CDYL2: variants seen among roughly 807,000 people sequenced by gnomAD.
CDYL2 encodes chromodomain Y-like protein 2.
In CDYL2, 23 loss-of-function variants were observed where a neutral mutation model predicts 49.4. That is an observed-to-expected ratio of 0.47 (90% CI 0.34 to 0.66). The LOEUF (loss-of-function observed/expected upper bound fraction) is 0.66. Among genes scored for constraint, CDYL2 ranks in the 30% least tolerant of loss-of-function variants. The probability of loss-of-function intolerance (pLI) is 0.01; values close to 1 mark genes in which losing one functional copy is unlikely to be tolerated. For synonymous variants in CDYL2, 360 were observed against 268.8 expected (o/e 1.34, Z -3.32); for missense variants, 678 against 656.4 (o/e 1.03, Z -0.36).
chr16:80,700,967 G>A (rs1475915356), intron 1 of CDYL2, among the ~76,000 whole-genome samples: 3 of 152,246 alleles, frequency 2.0e-5, no homozygotes, highest in African/African-American at 7.2e-5. Context: ...TTCAGCAGCA[G>A]CCTGGGTCTC....
At chr16:80,649,954 T>C (rs568213695) in intron 2 of CDYL2, among the ~76,000 whole-genome samples, 2 of 152,114 alleles carry the variant, frequency 1.3e-5, no homozygotes, top group Non-Finnish European at 1.5e-5. Context: ...TCTCCTGCCA[T>C]ATATAAAAAT....
At chr16:80,624,628 A>G (rs1028072373) in intron 3 of CDYL2, among the ~76,000 whole-genome samples, 1 of 152,364 alleles carries the variant, frequency 6.6e-6, no homozygotes, top group African/African-American at 2.4e-5. Context: ...TCAGCAAATG[A>G]GCGGATTACA....
intron 2 of CDYL2, among the ~76,000 whole-genome samples, chr16:80,681,015 T>C (rs746795572): frequency 4.6e-5 from 7 of 151,518 alleles, no homozygotes; most frequent in Non-Finnish European, 7.4e-5. Flanking sequence ...CCACAAACAC[T>C]GCTGGGGAAA....
intron 3 of CDYL2, among the ~76,000 whole-genome samples, chr16:80,624,984 C>G (rs555148769): frequency 6.6e-6 from 1 of 152,066 alleles, no homozygotes; most frequent in Admixed American, 6.5e-5. Context: ...GGGATTCTAT[C>G]AGGAGATCAC....
intron 3 of CDYL2, among the ~76,000 whole-genome samples, chr16:80,631,220 T>C (rs912447031): frequency 6.6e-6 from 1 of 152,108 alleles, no homozygotes; most frequent in East Asian, 1.9e-4. Flanking sequence ...ATCATAACAA[T>C]CCTACATCAG....
At chr16:80,634,553 A>C (rs1407224087) in intron 2 of CDYL2, among the ~76,000 whole-genome samples, 3 of 152,236 alleles carry the variant, frequency 2.0e-5, no homozygotes, top group Admixed American at 6.5e-5. Context: ...GTAAATGAAG[A>C]GTTAATGGGT....
intron 2 of CDYL2, among the ~76,000 whole-genome samples, chr16:80,642,636 G>A (rs1180146504): frequency 6.6e-6 from 1 of 152,118 alleles, no homozygotes; most frequent in African/African-American, 2.4e-5. Flanking sequence ...GTTCCACGTG[G>A]CTGGGGAGGC....
At chr16:80,713,714 G>C (rs2142515381) in intron 1 of CDYL2, among the ~76,000 whole-genome samples, 1 of 152,252 alleles carries the variant, frequency 6.6e-6, no homozygotes, top group East Asian at 1.9e-4. Flanking sequence ...GTGTACATTT[G>C]AGACTGTCGT....
chr16:80,783,099 T>C (rs1051617677), intron 1 of CDYL2, among the ~76,000 whole-genome samples: 23 of 151,618 alleles, frequency 1.5e-4, no homozygotes, highest in African/African-American at 5.6e-4. Context: ...TAAAAGAGAG[T>C]GAAAAGATAA....
chr16:80,749,943 G>C (rs1334148298), intron 1 of CDYL2, among the ~76,000 whole-genome samples: 6 of 152,118 alleles, frequency 3.9e-5, no homozygotes, highest in Admixed American at 6.5e-5. Context: ...TAGGGACATG[G>C]ATGAAGCTGG....
chr16:80,777,215 G>T (rs1033377131), intron 1 of CDYL2, among the ~76,000 whole-genome samples: 1 of 152,136 alleles, frequency 6.6e-6, no homozygotes, highest in Non-Finnish European at 1.5e-5. Flanking sequence ...TGAGAAGGGG[G>T]CACACAGAGG....
chr16:80,635,193 A>G (rs1248861609), intron 2 of CDYL2, among the ~76,000 whole-genome samples: 1 of 152,214 alleles, frequency 6.6e-6, no homozygotes, highest in Non-Finnish European at 1.5e-5. Context: ...ATAGGCTAAA[A>G]GAAGAAAAAC....
chr16:80,704,175 G>T (rs1904329045), intron 1 of CDYL2, among the ~76,000 whole-genome samples: 1 of 152,172 alleles, frequency 6.6e-6, no homozygotes, highest in South Asian at 2.1e-4. Flanking sequence ...CCTCATCCAA[G>T]CCAGACACTG....
In CDYL2 at chr16:80,791,434, C is replaced by T. The variant is rs924114867; in HGVS notation, c.24+12716G>A. ...ACAAGACAGACAATCACTGCCCTCA[C>T]AAAGCTTACAATGTAAGTGGGAGAT... On this transcript the variant is annotated intron_variant, in intron 1 of 6. Coordinates refer to ENST00000570137, the MANE Select transcript of CDYL2 (RefSeq NM_152342.4). Among the ~76,000 whole-genome samples the T allele has an allele frequency of 6.6e-5, 10 of 152,258 alleles. No homozygotes were observed. In the South Asian group the frequency reaches 2.1e-3, roughly 32 times the overall value.
At chr16:80,627,554 T>C (rs1907358985) in intron 3 of CDYL2, 1 of 152,248 alleles carries the variant, frequency 6.6e-6, no homozygotes, top group Non-Finnish European at 1.5e-5. Flanking sequence ...TCTTTCCTTT[T>C]GGTGTTGCTA....
At chr16:80,607,442 C>G (rs1285095463) in intron 6 of CDYL2, among the ~76,000 whole-genome samples, 2 of 152,186 alleles carry the variant, frequency 1.3e-5, no homozygotes, top group Non-Finnish European at 2.9e-5. Flanking sequence ...AGTCCTAGAG[C>G]CTCAATCTCC....
intron 2 of CDYL2, among the ~76,000 whole-genome samples, chr16:80,677,158 G>A (rs891965748): frequency 2.6e-5 from 4 of 151,404 alleles, no homozygotes; most frequent in Non-Finnish European, 5.9e-5. Context: ...TTTTTGGAGA[G>A]ACAGGGTTTC....
At chr16:80,721,842 C>A (rs1488884817) in intron 1 of CDYL2, among the ~76,000 whole-genome samples, 1 of 152,174 alleles carries the variant, frequency 6.6e-6, no homozygotes, top group Non-Finnish European at 1.5e-5. Flanking sequence ...ATGCAGTCCC[C>A]ACAGTTCCTT....
At position 80,751,150 on chromosome 16, in the gene CDYL2, C is replaced by A. The variant is rs192903480; in HGVS notation, c.24+53000G>T. 1.1e-3 allele frequency among the ~76,000 whole-genome samples: 171 copies of A among 152,086 alleles called. 1 individual carries two copies. Among genetic ancestry groups the A allele is most frequent in the African/African-American group, 3.7e-3 (155 of 41,378 alleles). ...CCAAACTCTGATTCCAAAATCAACA[C>A]AGATAATTCAGGAAAACAAAACCAA... On this transcript the variant is annotated intron_variant, in intron 1 of 6. Transcript: ENST00000570137.
Sources: gnomAD v4.1 joint callset for allele counts (sites outside exome capture counted in the v4.1 genomes callset) on GRCh38, gnomAD v4.1.1 for gene constraint, MANE v1.5 for transcripts, NCBI Gene and HGNC (gene_info 2026-07-23, HGNC 2026-07-21) for gene names.